GABARAPL2: variants seen among roughly 807,000 people sequenced by gnomAD.
GABARAPL2 encodes the protein gamma-aminobutyric acid receptor-associated protein-like 2.
Under a neutral mutation model 16.9 loss-of-function variants are expected in GABARAPL2, and 11 were observed. The ratio of observed to expected loss-of-function variants is 0.65; its 90% confidence interval spans 0.41 to 1.08. The LOEUF (loss-of-function observed/expected upper bound fraction) is 1.08. Among genes scored for constraint, GABARAPL2 ranks in the 50% least tolerant of loss-of-function variants. GABARAPL2 has a pLI of 0.00. For missense variants in GABARAPL2, 134 were observed against 142.5 expected, an observed-to-expected ratio of 0.94 and a Z score of 0.30; for synonymous variants, 57 against 50.7, an observed-to-expected ratio of 1.12 and a Z score of -0.53.
At chr16:75,572,354 C>G (rs1329216646) in intron 3 of GABARAPL2, 5 of 152,272 alleles carry the variant, frequency 3.3e-5, no homozygotes, top group East Asian at 1.9e-4. Flanking sequence ...AGTGGAAGCG[C>G]GTGGACTCCA....
At chr16:75,570,779 A>T (rs1342225158) in intron 3 of GABARAPL2, among the ~76,000 whole-genome samples, 1 of 152,220 alleles carries the variant, frequency 6.6e-6, no homozygotes, top group Non-Finnish European at 1.5e-5. Context: ...TGTTTCATTT[A>T]AAAAAGAGGG....
At chr16:75,566,649 C>T (rs1332336068) in intron 1 of GABARAPL2, 129 bp downstream of exon 1, 11 of 1,112,864 alleles carry the variant, frequency 9.9e-6, no homozygotes, top group Non-Finnish European at 1.3e-5. Context: ...TCGCCCATGC[C>T]CTGGTGCCTC....
chr16:75,566,974 A>G (rs1332984712), intron 2 of GABARAPL2, 67 bp downstream of exon 2: 32 of 1,309,374 alleles, frequency 2.4e-5, no homozygotes, highest in Non-Finnish European at 3.5e-5. Context: ...GATAGGCCCC[A>G]GGCCATTCAA....
chr16:75,574,626 TCTGGCTTGTCATTTCACTTC>T (rs1285197406), intron 3 of GABARAPL2, among the ~76,000 whole-genome samples: 1 of 152,146 alleles, frequency 6.6e-6, no homozygotes, highest in African/African-American at 2.4e-5. Context: ...TCTGCTAGTT[TCTGGCTTGTCATTTCACTTC>T]CTGGCTTGTC....
At chr16:75,567,967 G>C (rs1189506412) in intron 2 of GABARAPL2, 70 bp from the exon 3 acceptor site, 7 of 1,219,136 alleles carry the variant, frequency 5.7e-6, no homozygotes, top group Non-Finnish European at 8.2e-6. Context: ...CTGTTCATCA[G>C]CTCCTCAGCC....
chr16:75,573,221 C>T (rs1397061263), intron 3 of GABARAPL2, among the ~76,000 whole-genome samples: 1 of 152,220 alleles, frequency 6.6e-6, no homozygotes, highest in African/African-American at 2.4e-5. Context: ...ATTTTGTCTC[C>T]CTGCACTTCC....
chr16:75,574,809 G>GTAATCC (rs1282248846), intron 3 of GABARAPL2, among the ~76,000 whole-genome samples: 1 of 18,764 alleles, frequency 5.3e-5, no homozygotes, highest in Admixed American at 8.5e-4. Context: ...TGGCTCACCT[G>GTAATCC]AGGTCAGGAG....
chr16:75,572,790 GC>G (rs1238451623), intron 3 of GABARAPL2: 1 of 152,174 alleles, frequency 6.6e-6, no homozygotes, highest in Non-Finnish European at 1.5e-5. Context: ...TTCTTTCTTT[GC>G]CAGACTCAGA....
chr16:75,567,971 C>T, intron 2 of GABARAPL2, 66 bp from the exon 3 acceptor site: 2 of 1,303,326 alleles, frequency 1.5e-6, no homozygotes, highest in Non-Finnish European at 2.2e-6. Flanking sequence ...TCATCAGCTC[C>T]TCAGCCATGT....
intron 3 of GABARAPL2, among the ~76,000 whole-genome samples, chr16:75,573,910 G>A (rs1299318231): frequency 6.6e-6 from 1 of 152,204 alleles, no homozygotes; most frequent in Admixed American, 6.5e-5. Flanking sequence ...TACCTCATGA[G>A]ATTGTTTTGA....
In GABARAPL2 at chr16:75,568,163, GA is replaced by G; in HGVS notation, c.221del (p.Lys74ArgfsTer16). On this transcript the variant is annotated frameshift_variant, in exon 3 of 4. Coordinates refer to ENST00000037243, the MANE Select transcript of GABARAPL2 (RefSeq NM_007285.7). LOFTEE classifies it high-confidence loss of function. Reference protein sequence around the residue: ...IIRKRIQLPSEKAIFLFVDKT... With the variant: ...IIRKRIQLPSXKAIFLFVDKT... Reference sequence around the variant, plus strand: ...CAGGAAAAGGATCCAGCTTCCTTCTGAAAAGGCGATCTTCCTGTTTGTGGAT... The same window carrying G: ...CAGGAAAAGGATCCAGCTTCCTTCTGAAAGGCGATCTTCCTGTTTGTGGAT... 1 of 1,613,206 alleles carries G rather than the reference GA, an allele frequency of 6.2e-7. No homozygotes were observed. The highest frequency in any genetic ancestry group is 2.2e-5 in the East Asian group (1 of 44,848).
Position 75,577,331 on chromosome 16 carries a change from T to G in GABARAPL2, c.316T>G (p.Tyr106Asp). ...GGAAAAAGATGAAGATGGATTCTTA[T>G]ATGTGGCCTACAGCGGAGAGAACAC... ...EKEKDEDGFL[Y>D]VAYSGENTFG... Residue 106 changes from tyrosine to aspartate, a missense_variant, in exon 4 of 4, where the codon TAT becomes GAT. By Grantham distance (160) the Tyr-to-Asp change is radical. Transcript: ENST00000037243. 1.2e-6 allele frequency: 2 copies of G among 1,612,922 alleles called. No homozygotes were observed. The highest frequency in any genetic ancestry group is 1.7e-6 in the Non-Finnish European group (2 of 1,178,852).
At chr16:75,576,484 T>A (rs374285693) in intron 3 of GABARAPL2, 1 of 152,274 alleles carries the variant, frequency 6.6e-6, no homozygotes, top group African/African-American at 2.4e-5. Flanking sequence ...TGTCTCAGAC[T>A]GAGCATCTTA....
chr16:75,566,566 G>A (rs761150861), intron 1 of GABARAPL2, 46 bp downstream of exon 1: 4 of 1,597,948 alleles, frequency 2.5e-6, no homozygotes, highest in Non-Finnish European at 3.4e-6. Flanking sequence ...TGGGGCGGCG[G>A]GTGGGCCCCC....
intron 2 of GABARAPL2, among the ~76,000 whole-genome samples, chr16:75,567,490 G>T (rs555868705): frequency 6.6e-6 from 1 of 152,276 alleles, no homozygotes; most frequent in East Asian, 1.9e-4. Context: ...GGACATTAAG[G>T]CCTGTTATTG....
chr16:75,568,049 A>G lies in GABARAPL2; in HGVS notation c.103A>G (p.Lys35Glu), dbSNP rs1270281076. The G allele has an allele frequency of 6.2e-7, 1 of 1,602,748 alleles. No homozygotes were observed. The highest frequency in any genetic ancestry group is 2.2e-5 in the East Asian group (1 of 44,528). Reference protein sequence around the residue: ...YPDRVPVIVEKVSGSQIVDID... With the variant: ...YPDRVPVIVEEVSGSQIVDID... ...TTTACTTTCCCAGGTGATTGTGGAA[A>G]AGGTCTCAGGCTCTCAGATTGTTGA... is the stretch of plus-strand genomic sequence containing the variant. The change falls in exon 3 of 4, where the codon AAG (lysine) becomes GAG (glutamate). Residue 35 changes from lysine (K) to glutamate (E), a missense_variant. Transcript: ENST00000037243.
At position 75,566,408 on chromosome 16, in the gene GABARAPL2, C is replaced by A; in HGVS notation, c.-79C>A. The A allele has an allele frequency of 1.8e-6, 2 of 1,104,666 alleles. No individual in the cohort carries two copies. Among genetic ancestry groups the A allele is most frequent in the Non-Finnish European group, 1.3e-6 (1 of 744,526 alleles). The allele number at this position is 1,104,666 out of a possible 1,614,324, so 68.4% of individuals were successfully genotyped here. ...GCCGCCGTCGCTGCCGCTGCCGCTG[C>A]CGCCGTCGTTGTTGTTGTGCTCGGT... On this transcript the variant is annotated 5_prime_UTR_variant, in exon 1 of 4. Coordinates refer to ENST00000037243, the MANE Select transcript of GABARAPL2 (RefSeq NM_007285.7).
Position 75,571,225 on chromosome 16 carries a change from A to G in GABARAPL2, c.263+3016A>G, listed in dbSNP as rs139900270. 6.7e-4 allele frequency among the ~76,000 whole-genome samples: 102 copies of G among 152,300 alleles called. 1 individual carries two copies. The highest frequency in any genetic ancestry group is 2.3e-3 in the African/African-American group (94 of 41,574). ...AGGTTGGTCTCAAACTCCTGGCTAC[A>G]GGTGATCCTCCTGCTTTGGCCTCCC... On this transcript the variant is annotated intron_variant, in intron 3 of 3. Coordinates refer to ENST00000037243, the MANE Select transcript of GABARAPL2 (RefSeq NM_007285.7).
At chr16:75,568,298 C>CT (rs2080895879) in intron 3 of GABARAPL2, 89 bp downstream of exon 3, 1 of 859,356 alleles carries the variant, frequency 1.2e-6, no homozygotes, top group African/African-American at 1.7e-5. Context: ...TCTGAAAACT[C>CT]TTAGGGGTCC....
Sources: gnomAD v4.1 joint callset for allele counts (sites outside exome capture counted in the v4.1 genomes callset) on GRCh38, gnomAD v4.1.1 for gene constraint, MANE v1.5 for transcripts, NCBI Gene and HGNC (gene_info 2026-07-23, HGNC 2026-07-21) for gene names.